EXT1: variants seen among roughly 807,000 people sequenced by gnomAD.
The protein encoded by EXT1 is exostosin glycosyltransferase 1, also known as exostosin-1.
A neutral mutation model predicts 82.5 loss-of-function variants in EXT1; 20 were observed. The ratio of observed to expected loss-of-function variants is 0.24; its 90% CI spans 0.17 to 0.35. The LOEUF (loss-of-function observed/expected upper bound fraction) is 0.35, where lower values mean the gene tolerates loss of function less well. Ranked by LOEUF, EXT1 falls within the 10% of genes least tolerant of loss-of-function variation. The pLI, the probability that EXT1 is intolerant of heterozygous loss-of-function variation, is 1.00. For missense variants in EXT1, 757 were observed against 936.5 expected, an observed-to-expected ratio of 0.81 and a Z score of 2.50; for synonymous variants, 348 against 350.8, an observed-to-expected ratio of 0.99 and a Z score of 0.09.
chr8:118,015,653 A>G (rs886088457), intron 1 of EXT1, among the ~76,000 whole-genome samples: 2 of 152,224 alleles, frequency 1.3e-5, no homozygotes, highest in South Asian at 2.1e-4. Flanking sequence ...AAAAGACGGC[A>G]TCTAAACTAA....
intron 1 of EXT1, among the ~76,000 whole-genome samples, chr8:118,027,691 C>A (rs1237767124): frequency 1.3e-5 from 2 of 152,172 alleles, no homozygotes; most frequent in East Asian, 3.9e-4. Context: ...CCCATGCCCC[C>A]ATATCGACAC....
At chr8:117,981,099 T>C (rs1339235405) in intron 1 of EXT1, among the ~76,000 whole-genome samples, 2 of 152,218 alleles carry the variant, frequency 1.3e-5, no homozygotes, top group Non-Finnish European at 2.9e-5. Flanking sequence ...AGAGAACTTA[T>C]TTATACAAAC....
chr8:118,024,261 T>C (rs1173571861), intron 1 of EXT1, among the ~76,000 whole-genome samples: 1 of 152,222 alleles, frequency 6.6e-6, no homozygotes, highest in Non-Finnish European at 1.5e-5. Context: ...TCAGCCTTTC[T>C]AGAATAACTG....
chr8:117,960,564 C>T (rs559702200), intron 1 of EXT1, among the ~76,000 whole-genome samples: 2 of 152,340 alleles, frequency 1.3e-5, no homozygotes, highest in Admixed American at 6.5e-5. Flanking sequence ...AACAGTTTCA[C>T]TACTTTTGTA....
chr8:117,812,789 G>T, intron 8 of EXT1, 83 bp downstream of exon 8: 3 of 1,255,486 alleles, frequency 2.4e-6, no homozygotes, highest in South Asian at 1.2e-5. Flanking sequence ...GCCAAGGCAC[G>T]GCTAAAAGAA....
chr8:117,828,241 T>A (rs1336179495), intron 4 of EXT1, among the ~76,000 whole-genome samples: 2 of 152,152 alleles, frequency 1.3e-5, no homozygotes. Context: ...ATGCTTTAAG[T>A]GTTTTCTATT....
At chr8:118,088,100 C>G (rs11562812) in intron 1 of EXT1, among the ~76,000 whole-genome samples, 2 of 152,118 alleles carry the variant, frequency 1.3e-5, no homozygotes, top group African/African-American at 4.8e-5. Flanking sequence ...CTTCTTCTCC[C>G]GGCTGCTGCA....
intron 4 of EXT1, among the ~76,000 whole-genome samples, chr8:117,827,264 T>C (rs1452831449): frequency 1.3e-5 from 2 of 152,174 alleles, no homozygotes; most frequent in Non-Finnish European, 2.9e-5. Context: ...AGATGTAGTT[T>C]AAGATACATG....
In EXT1 at chr8:117,830,214, A is replaced by C; in HGVS notation, c.1284+16T>G. The C allele has an allele frequency of 6.2e-7, 1 of 1,613,878 alleles. No homozygotes were observed. The highest frequency in any genetic ancestry group is 2.2e-5 in the East Asian group (1 of 44,844). ...GGACCATTATTCAAGCCCAAGAGCC[A>C]AGTGGTCTCACTTACCTCTAGTGTA... On this transcript the variant is annotated intron_variant, in intron 4 of 10. Transcript: ENST00000378204.
chr8:117,828,655 A>G (rs1812046962), intron 4 of EXT1, among the ~76,000 whole-genome samples: 1 of 152,218 alleles, frequency 6.6e-6, no homozygotes, highest in Non-Finnish European at 1.5e-5. Context: ...GAACAGAGGT[A>G]ACAACTCAAT....
intron 1 of EXT1, among the ~76,000 whole-genome samples, chr8:118,087,329 A>G (rs537676300): frequency 2.6e-5 from 4 of 152,364 alleles, no homozygotes; most frequent in South Asian, 4.1e-4. Flanking sequence ...TCAGATATTC[A>G]CATACTAAAA....
chr8:117,832,936 T>C (rs961254956), intron 3 of EXT1, among the ~76,000 whole-genome samples: 3 of 152,188 alleles, frequency 2.0e-5, no homozygotes, highest in Non-Finnish European at 2.9e-5. Context: ...TAAAAGGTCA[T>C]GTATGGTAGC....
chr8:117,962,233 A>G (rs976429043), intron 1 of EXT1, among the ~76,000 whole-genome samples: 2 of 152,200 alleles, frequency 1.3e-5, no homozygotes, highest in African/African-American at 4.8e-5. Context: ...TCTATTTGGA[A>G]TACTCTTCTT....
At chr8:118,047,023 G>C (rs903276894) in intron 1 of EXT1, among the ~76,000 whole-genome samples, 2 of 152,200 alleles carry the variant, frequency 1.3e-5, no homozygotes, top group African/African-American at 4.8e-5. Context: ...TGGCCACATA[G>C]AGCGACCAGA....
chr8:118,104,022 T>C (rs540258648), intron 1 of EXT1, among the ~76,000 whole-genome samples: 7 of 152,230 alleles, frequency 4.6e-5, no homozygotes, highest in Non-Finnish European at 7.3e-5. Flanking sequence ...TGGTAACATT[T>C]TGTAGAAGAG....
chr8:117,964,234 T>G (rs1365965367), intron 1 of EXT1, among the ~76,000 whole-genome samples: 1 of 152,156 alleles, frequency 6.6e-6, no homozygotes, highest in African/African-American at 2.4e-5. Context: ...CTGGAATTAG[T>G]GGAATTCCAA....
chr8:118,044,752 T>G (rs979803695), intron 1 of EXT1, among the ~76,000 whole-genome samples: 1 of 152,158 alleles, frequency 6.6e-6, no homozygotes, highest in African/African-American at 2.4e-5. Context: ...TTACCCAGGC[T>G]GGTCGAAAAC....
chr8:117,956,129 A>G (rs1814580834), intron 1 of EXT1, among the ~76,000 whole-genome samples: 1 of 152,044 alleles, frequency 6.6e-6, no homozygotes, highest in South Asian at 2.1e-4. Context: ...ACAACAACAC[A>G]CACAGGAAAA....
chr8:118,087,056 C>G (rs1215299694), intron 1 of EXT1, among the ~76,000 whole-genome samples: 1 of 152,198 alleles, frequency 6.6e-6, no homozygotes, highest in Non-Finnish European at 1.5e-5. Context: ...GCAATGGACA[C>G]ACAACTTCAG....
Sources: gnomAD v4.1 joint callset for allele counts (sites outside exome capture counted in the v4.1 genomes callset) on GRCh38, gnomAD v4.1.1 for gene constraint, MANE v1.5 for transcripts, NCBI Gene and HGNC (gene_info 2026-07-23, HGNC 2026-07-21) for gene names.